DNAH2: variants seen among roughly 807,000 people sequenced by gnomAD.
DNAH2 encodes the protein axonemal beta dynein heavy chain 2.
Under a neutral mutation model 523.5 loss-of-function variants are expected in DNAH2, and 323 were observed. That is an observed-to-expected ratio of 0.62 (90% CI 0.56 to 0.68). The LOEUF (loss-of-function observed/expected upper bound fraction) is 0.68, where lower values mean the gene tolerates loss of function less well. Ranked by LOEUF, DNAH2 falls within the 30% of genes least tolerant of loss-of-function variation. The probability of loss-of-function intolerance (pLI) is 0.00; values close to 1 mark genes in which losing one functional copy is unlikely to be tolerated. For missense variants in DNAH2, 4,907 were observed against 5,701.5 expected (o/e 0.86, Z 4.49); for synonymous variants, 2,093 against 2,177.4 (o/e 0.96, Z 1.08).
In DNAH2 at chr17:7,821,394, C is replaced by T. The variant is rs774313986; in HGVS notation, c.11142+25C>T. On this transcript the variant is annotated intron_variant, in intron 73 of 85. Transcript: ENST00000572933. The surrounding 1 kb of genome is among the most constrained non-coding windows in gnomAD (Gnocchi z 5.0). ...GGTGAGTTGGGCAGAGAGCACATCCCAGGATGGGATGGTCAAGGTTGGGGA... is the reference window on the plus strand; with the variant it reads ...GGTGAGTTGGGCAGAGAGCACATCCTAGGATGGGATGGTCAAGGTTGGGGA... 1.9e-6 allele frequency: 3 copies of T among 1,605,772 alleles called. No individual in the cohort carries two copies. The Admixed American group carries it at 5.1e-5, about 27-fold the overall frequency.
rs2074845319 is a variant in DNAH2, at chr17:7,727,254, T to C, written c.361T>C (p.Cys121Arg). Residue 121 changes from cysteine to arginine, a missense_variant, in exon 4 of 86, where the codon TGT (cysteine) becomes CGT (arginine). By Grantham distance (180) the Cys-to-Arg change is radical. This residue lies in a region of DNAH2 where 2,806 missense variants were observed against 3,190.8 expected (regional missense o/e 0.88). Coordinates refer to ENST00000572933, the MANE Select transcript of DNAH2 (RefSeq NM_020877.5). ...ESILTIFIDP[C>R]FGLKLELGMP... is the part of the protein sequence containing the mutation. ...CATCCTCACCATCTTCATTGACCCT[T>C]GTTTTGGGCTGAAGCTAGAGCTGGG... 3 of 1,611,588 alleles carry C rather than the reference T, an allele frequency of 1.9e-6. No individual in the cohort carries two copies. The highest frequency in any genetic ancestry group is 1.7e-5 in the Admixed American group (1 of 59,526).
intron 63 of DNAH2, among the ~76,000 whole-genome samples, chr17:7,811,595 A>G (rs548957583): frequency 5.3e-5 from 8 of 152,326 alleles, no homozygotes; most frequent in Admixed American, 3.3e-4. Flanking sequence ...AGTACATTCA[A>G]TGTCTGGTAG....
In DNAH2 at chr17:7,749,308, C is replaced by CAAAAAAAAAAAAAAAAAAAAAAAAAAAA. The variant is rs57660603; in HGVS notation, c.1904+6179_1904+6206dup. On this transcript the variant is annotated intron_variant, in intron 12 of 85. Coordinates refer to ENST00000572933, the MANE Select transcript of DNAH2 (RefSeq NM_020877.5). ...GGGCAACAAGAGCTAAACTCCCCCCCAAAAAAAAAAAAAAAAAAAAAAAAA... is the reference window on the plus strand; with the variant it reads ...GGGCAACAAGAGCTAAACTCCCCCCCAAAAAAAAAAAAAAAAAAAAAAAAAAAAAAAAAAAAAAAAAAAAAAAAAAAAA... Among the ~76,000 whole-genome samples the CAAAAAAAAAAAAAAAAAAAAAAAAAAAA allele has an allele frequency of 3.2e-3, 57 of 17,764 alleles. 26 individuals carry two copies. Among genetic ancestry groups the CAAAAAAAAAAAAAAAAAAAAAAAAAAAA allele is most frequent in the Non-Finnish European group, 3.6e-3 (44 of 12,386 alleles). The allele number at this position is 17,764 out of a possible 152,430, so 11.7% of individuals were successfully genotyped here. A position where few individuals can be genotyped will look rare whatever the true frequency, so the allele number is the denominator to read the frequency against.
chr17:7,773,678 A>G (rs1023498140), intron 28 of DNAH2, among the ~76,000 whole-genome samples: 4 of 152,154 alleles, frequency 2.6e-5, no homozygotes, highest in Non-Finnish European at 5.9e-5. Flanking sequence ...AACTATCATG[A>G]ATTTCTTTTT....
chr17:7,728,456 G>A (rs1286034762), intron 4 of DNAH2, among the ~76,000 whole-genome samples: 6 of 152,172 alleles, frequency 3.9e-5, no homozygotes, highest in Non-Finnish European at 7.3e-5. Context: ...AACATGGGCA[G>A]AAGAACTTTT....
At chr17:7,814,372 C>CA (rs1309116834) in intron 63 of DNAH2, among the ~76,000 whole-genome samples, 1 of 151,682 alleles carries the variant, frequency 6.6e-6, no homozygotes, top group Non-Finnish European at 1.5e-5. Flanking sequence ...GATATTTTGG[C>CA]AAAAAACAAG....
chr17:7,778,452 T>C lies in DNAH2; in HGVS notation c.5524T>C (p.Tyr1842His), dbSNP rs1291951429. 1 of 1,614,006 alleles carries C rather than the reference T, an allele frequency of 6.2e-7. No individual in the cohort carries two copies. The highest frequency in any genetic ancestry group is 8.5e-7 in the Non-Finnish European group (1 of 1,179,946). Residue 1842 changes from tyrosine (Y) to histidine (H), a missense_variant, in exon 35 of 86, where the codon TAC (tyrosine) becomes CAC (histidine). This residue lies in a region of DNAH2 where 2,806 missense variants were observed against 3,190.8 expected (regional missense o/e 0.88). Transcript: ENST00000572933. ...GGACTACAAGTCCATGGGCCGAATG[T>C]ACTCAGGTCTGGCCCAGGTCAGTAT... ...GLDYKSMGRM[Y>H]SGLAQTGAWG...
chr17:7,742,594 G>A (rs1333137437), intron 11 of DNAH2, among the ~76,000 whole-genome samples: 3 of 152,182 alleles, frequency 2.0e-5, no homozygotes, highest in African/African-American at 7.2e-5. Context: ...CCCAGGCTAG[G>A]AAGGGCTGAT....
chr17:7,757,225 G>C lies in DNAH2; in HGVS notation c.2039G>C (p.Arg680Thr). Residue 680 changes from arginine (R) to threonine (T), a missense_variant, in exon 13 of 86, where the codon AGA (arginine) becomes ACA (threonine). Arg to Thr is a moderately conservative substitution (Grantham distance 71). Transcript: ENST00000572933. ...CGTGAAAATCTGCTACTCGTTGCTA[G>C]AGACTACAATAGGTAGGGCTTCAGT... ...ILRENLLLVA[R>T]DYNRIIAMLS... 6.2e-7 allele frequency: 1 copy of C among 1,614,154 alleles called. No individual in the cohort carries two copies. The highest frequency in any genetic ancestry group is 8.5e-7 in the Non-Finnish European group (1 of 1,180,016).
chr17:7,824,538 A>C lies in DNAH2; in HGVS notation c.11664A>C (p.Gly3888=), dbSNP rs1002025944. 11 of 1,556,304 alleles carry C rather than the reference A, an allele frequency of 7.1e-6. No individual in the cohort carries two copies. The highest frequency in any genetic ancestry group is 8.7e-6 in the Non-Finnish European group (10 of 1,143,030). ...ACTGACCCTGGCATCTCCTTGCAGG[A>C]CACTGGGTGTTCCTGGCAAACTGCC... ...ARLLREGVTQ[G]HWVFLANCHL... is the part of the protein sequence containing the mutation. Residue 3888 remains glycine (G), a splice_region_variant and synonymous_variant, in exon 77 of 86, where the codon GGA becomes GGC. Coordinates refer to ENST00000572933, the MANE Select transcript of DNAH2 (RefSeq NM_020877.5).
At chr17:7,739,502 CT>C (rs1567620077) in intron 8 of DNAH2, among the ~76,000 whole-genome samples, 5 of 152,222 alleles carry the variant, frequency 3.3e-5, no homozygotes, top group Admixed American at 2.6e-4. Flanking sequence ...GCATTTGCCT[CT>C]TATCGCTGCC....
At chr17:7,771,018 C>G in intron 27 of DNAH2, 85 bp downstream of exon 27, 6 of 1,427,116 alleles carry the variant, frequency 4.2e-6, no homozygotes, top group Non-Finnish European at 5.7e-6. Context: ...CTGTTATCAG[C>G]CTCATTCTCC....
chr17:7,762,032 T>A (rs2076019981), intron 18 of DNAH2, among the ~76,000 whole-genome samples: 1 of 152,220 alleles, frequency 6.6e-6, no homozygotes. Context: ...ATCGCAGCTG[T>A]GCCACTTAGT....
Position 7,743,049 on chromosome 17 carries a change from C to G in DNAH2, c.1811C>G (p.Ser604Ter), listed in dbSNP as rs750341840. The change falls in exon 12 of 86, where the codon TCA becomes TGA. Residue 604 changes from serine to a stop codon, truncating the protein, a stop_gained. Transcript: ENST00000572933. LOFTEE classifies it high-confidence loss of function. The stretch of plus-strand genomic sequence containing the variant: ...CGAAAAACCTTCCAAGAGTGGACAT[C>G]AAGTCTGGACAAGGATTGCATTCGG... ...LVRKTFQEWT[S>*]SLDKDCIRRL... 1 of 1,529,156 alleles carries G rather than the reference C, an allele frequency of 6.5e-7. No individual in the cohort carries two copies. The highest frequency in any genetic ancestry group is 1.4e-5 in the African/African-American group (1 of 71,962). The allele number at this position is 1,529,156 out of a possible 1,614,324, so 94.7% of individuals were successfully genotyped here.
chr17:7,780,888 C>G lies in DNAH2; in HGVS notation c.6003+106C>G. 6.3e-7 allele frequency: 1 copy of G among 1,582,564 alleles called. No individual in the cohort carries two copies. The highest frequency in any genetic ancestry group is 1.1e-5 in the South Asian group (1 of 88,170). ...TTCTTTCCTCAGATTGGGATTCTCACCTTCCCACCTCGTCCCATCCCCGTG... is the reference window on the plus strand; with the variant it reads ...TTCTTTCCTCAGATTGGGATTCTCAGCTTCCCACCTCGTCCCATCCCCGTG... On this transcript the variant is annotated intron_variant, in intron 38 of 85. Coordinates refer to ENST00000572933, the MANE Select transcript of DNAH2 (RefSeq NM_020877.5). This position sits in a 1 kb window ranked among gnomAD's most constrained non-coding sequence, Gnocchi z 4.4.
In DNAH2 at chr17:7,786,506, G is replaced by C; in HGVS notation, c.6349-64G>C. 2 of 1,519,820 alleles carry C rather than the reference G, an allele frequency of 1.3e-6. No homozygotes were observed. The highest frequency in any genetic ancestry group is 2.3e-5 in the South Asian group (2 of 87,666). The allele number at this position is 1,519,820 out of a possible 1,614,324, so 94.1% of individuals were successfully genotyped here. On this transcript the variant is annotated intron_variant, in intron 40 of 85. Transcript: ENST00000572933. The surrounding 1 kb of genome is among the most constrained non-coding windows in gnomAD (Gnocchi z 7.5). ...GGACAAATGCACGTACCTAAGAGGG[G>C]TCTGGAAATAAAGAGGGGTTTTTGT...
In DNAH2 at chr17:7,771,400, G is replaced by A. The variant is rs1414221356; in HGVS notation, c.4433G>A (p.Ser1478Asn). The A allele has an allele frequency of 6.2e-7, 1 of 1,613,958 alleles. No homozygotes were observed. The highest frequency in any genetic ancestry group is 1.3e-5 in the African/African-American group (1 of 74,908). The change falls in exon 28 of 86, where the codon AGC (serine) becomes AAC (asparagine). Residue 1478 changes from serine to asparagine, a missense_variant. Ser to Asn is a conservative substitution (Grantham distance 46). Transcript: ENST00000572933. ...NESTLFDQVN[S>N]NWKAIMDRMN... ...TCGACCTTATTTGACCAGGTCAACAGCAACTGGAAAGCCATCATGGACAGG... is the reference window on the plus strand; with the variant it reads ...TCGACCTTATTTGACCAGGTCAACAACAACTGGAAAGCCATCATGGACAGG...
chr17:7,797,822 T>A lies in DNAH2; in HGVS notation c.8223T>A (p.Ile2741=). 6.2e-7 allele frequency: 1 copy of A among 1,610,938 alleles called. No homozygotes were observed. The highest frequency in any genetic ancestry group is 2.2e-5 in the East Asian group (1 of 44,866). Residue 2741 remains isoleucine, a synonymous_variant, in exon 53 of 86, where the codon ATT becomes ATA. Coordinates refer to ENST00000572933, the MANE Select transcript of DNAH2 (RefSeq NM_020877.5). ...PMQLVLFREA[I]EHITRIVRVI... The stretch of plus-strand genomic sequence containing the variant: ...AGCTAGTGCTCTTCCGAGAGGCTAT[T>A]GAACACAGTGAGCACCTGCCACGCC...
At position 7,799,070 on chromosome 17, in the gene DNAH2, C is replaced by T; in HGVS notation, c.8560-33C>T. 7 of 1,611,962 alleles carry T rather than the reference C, an allele frequency of 4.3e-6. 1 individual carries two copies. In the South Asian group the frequency reaches 7.7e-5, roughly 18 times the overall value. ...CCCCGCTGATTCTGCTATGGACACG[C>T]CAGCCCTCTGACCCTGGGTGGCTTC... On this transcript the variant is annotated intron_variant, in intron 55 of 85. Transcript: ENST00000572933.
Sources: allele counts gnomAD v4.1 joint callset (sites outside exome capture counted in the v4.1 genomes callset), GRCh38; gene constraint gnomAD v4.1.1; regional missense constraint gnomAD v4.1.1; non-coding constraint Gnocchi (gnomAD v3.1); transcripts MANE v1.5; gene names NCBI Gene and HGNC (gene_info 2026-07-23, HGNC 2026-07-21).